Variants in ABHD5 observed in about 807,000 individuals in gnomAD.
The protein encoded by ABHD5 is abhydrolase domain containing 5, lysophosphatidic acid acyltransferase.
ABHD5 carries 30 observed loss-of-function variants against 44.9 expected under a neutral mutation model. The observed-to-expected ratio is 0.67, with a 90% CI of 0.50 to 0.91. The LOEUF (loss-of-function observed/expected upper bound fraction) is 0.91, where lower values mean the gene tolerates loss of function less well. Ranked by LOEUF, ABHD5 falls within the 40% of genes least tolerant of loss-of-function variation. ABHD5 has a pLI of 0.00. For synonymous variants in ABHD5, 167 were observed against 147.0 expected, an observed-to-expected ratio of 1.14 and a Z score of -0.99; for missense variants, 399 against 423.4, an observed-to-expected ratio of 0.94 and a Z score of 0.50.
At chr3:43,707,941 CT>C (rs1429560771) in intron 3 of ABHD5, among the ~76,000 whole-genome samples, 1 of 152,110 alleles carries the variant, frequency 6.6e-6, no homozygotes, top group Non-Finnish European at 1.5e-5. Flanking sequence ...GATTATTGTT[CT>C]TGTTGCATTA....
At chr3:43,723,379 C>G (rs2149610055), downstream of ABHD5, among the ~76,000 whole-genome samples, 1 of 152,258 alleles carries the variant, frequency 6.6e-6, no homozygotes, top group South Asian at 2.1e-4. Context: ...TAGGAAATCG[C>G]CATTTTGCCA....
At chr3:43,704,842 C>T (rs1415540357) in intron 3 of ABHD5, among the ~76,000 whole-genome samples, 1 of 152,108 alleles carries the variant, frequency 6.6e-6, no homozygotes, top group Non-Finnish European at 1.5e-5. Context: ...TGTCTCAGGA[C>T]CAAGAATCAT....
At position 43,720,594 on chromosome 3, in the gene ABHD5, G is replaced by A. The variant is rs1485890586; in HGVS notation, c.*2062G>A. On this transcript the variant is annotated 3_prime_UTR_variant, in exon 7 of 7. Transcript: ENST00000644371. ...CAATCCTCACATTTAAAAAAATATA[G>A]TGGGTGCTAAATGTTTTCTTAAAAA... The A allele has an allele frequency of 6.6e-6, 1 of 152,174 alleles. No homozygotes were observed. Among genetic ancestry groups the A allele is most frequent in the Non-Finnish European group, 1.5e-5 (1 of 68,024 alleles). The allele number at this position is 152,174 out of a possible 1,614,324, so 9.4% of individuals were successfully genotyped here.
At position 43,708,444 on chromosome 3, in the gene ABHD5, G is replaced by A. The variant is rs537449226; in HGVS notation, c.507-3265G>A. Among the ~76,000 whole-genome samples the A allele has an allele frequency of 4.6e-5, 7 of 152,322 alleles. No individual in the cohort carries two copies. In the South Asian group the frequency reaches 1.4e-3, roughly 32 times the overall value. On this transcript the variant is annotated intron_variant, in intron 3 of 6. Coordinates refer to ENST00000644371, the MANE Select transcript of ABHD5 (RefSeq NM_016006.6). ...ATATTTTTACTAAAAGCGGAGGTTA[G>A]AAGATAGCCTGGGACCTTGGTCTGG... is the stretch of plus-strand genomic sequence containing the variant.
chr3:43,691,514 T>C (rs2084384387), intron 1 of ABHD5: 1 of 152,656 alleles, frequency 6.6e-6, no homozygotes, highest in Admixed American at 6.5e-5. Flanking sequence ...CTACAGGTAC[T>C]ACCTGTGCTC....
At chr3:43,704,634 A>G (rs1364977318) in intron 3 of ABHD5, among the ~76,000 whole-genome samples, 1 of 152,224 alleles carries the variant, frequency 6.6e-6, no homozygotes, top group Non-Finnish European at 1.5e-5. Context: ...CAAGAGTTTC[A>G]TTTGCAATTG....
At position 43,734,041 on chromosome 3, in the gene ABHD5, C is replaced by T. The variant is rs1222727863; in HGVS notation, c.*191C>T. 3.9e-5 allele frequency: 6 copies of T among 152,318 alleles called. No individual in the cohort carries two copies. In the South Asian group the frequency reaches 1.2e-3, roughly 32 times the overall value. The allele number at this position is 152,318 out of a possible 1,614,324, so 9.4% of individuals were successfully genotyped here. A position where few individuals can be genotyped will look rare whatever the true frequency, so the allele number is the denominator to read the frequency against. Reference sequence around the variant, plus strand: ...ATGAATAGTAATTCAAGGATCTCTCCCTCTGCAGTGTGCTTTCTGGTGACC... The same window carrying T: ...ATGAATAGTAATTCAAGGATCTCTCTCTCTGCAGTGTGCTTTCTGGTGACC... On this transcript the variant is annotated 3_prime_UTR_variant, in exon 8 of 8. Coordinates refer to the ABHD5 transcript ENST00000454293.
At chr3:43,690,924 GC>G, upstream of ABHD5, 1 of 1,505,850 alleles carries the variant, frequency 6.6e-7, no homozygotes, top group Non-Finnish European at 8.8e-7. Context: ...TGCCGCGCCA[GC>G]CCGGGGCGGC....
Position 43,721,443 on chromosome 3 carries a change from T to G in ABHD5, c.*2911T>G, listed in dbSNP as rs2084834687. Reference sequence around the variant, plus strand: ...AAAAGAGAAGTCTATAGAAGAATTTTCAGCCAGATGGAATGGCTCATGGCT... The same window carrying G: ...AAAAGAGAAGTCTATAGAAGAATTTGCAGCCAGATGGAATGGCTCATGGCT... On this transcript the variant is annotated 3_prime_UTR_variant, in exon 7 of 7. Coordinates refer to ENST00000644371, the MANE Select transcript of ABHD5 (RefSeq NM_016006.6). 6.6e-6 allele frequency: 1 copy of G among 151,912 alleles called. No individual in the cohort carries two copies. The highest frequency in any genetic ancestry group is 1.5e-5 in the Non-Finnish European group (1 of 68,004). The allele number at this position is 151,912 out of a possible 1,614,324, so 9.4% of individuals were successfully genotyped here.
intron 5 of ABHD5, among the ~76,000 whole-genome samples, chr3:43,716,795 G>C (rs77061326): frequency 8.5e-5 from 13 of 152,248 alleles, no homozygotes; most frequent in African/African-American, 3.1e-4. Context: ...ACATGTGTTC[G>C]TGTAGTCCTA....
At chr3:43,690,924 G>T, upstream of ABHD5, 1 of 1,505,850 alleles carries the variant, frequency 6.6e-7, no homozygotes, top group Non-Finnish European at 8.8e-7. Context: ...TGCCGCGCCA[G>T]CCCGGGGCGG....
intron 1 of ABHD5, chr3:43,691,351 C>G (rs1166992320): frequency 8.8e-6 from 2 of 228,506 alleles, no homozygotes; most frequent in East Asian, 8.9e-5. Flanking sequence ...GGGCCGGCGA[C>G]GGAGCTGGCC....
At chr3:43,705,346 A>G (rs1284709887) in intron 3 of ABHD5, among the ~76,000 whole-genome samples, 3 of 152,202 alleles carry the variant, frequency 2.0e-5, no homozygotes, top group Non-Finnish European at 4.4e-5. Context: ...CAGTTAGTCT[A>G]CATCTTGAGT....
chr3:43,702,001 T>C, intron 2 of ABHD5: 1 of 501,744 alleles, frequency 2.0e-6, no homozygotes, highest in Middle Eastern at 5.3e-4. Context: ...ACTTGAGGTT[T>C]GTCTGAGGTA....
chr3:43,732,382 A>G (rs1224345204), intron 7 of ABHD5, among the ~76,000 whole-genome samples: 1 of 152,122 alleles, frequency 6.6e-6, no homozygotes, highest in Non-Finnish European at 1.5e-5. Flanking sequence ...GTGAAACGAG[A>G]TTGCACCACT....
intron 3 of ABHD5, among the ~76,000 whole-genome samples, chr3:43,704,611 TA>T (rs1342802892): frequency 6.6e-6 from 1 of 152,228 alleles, no homozygotes; most frequent in African/African-American, 2.4e-5. Flanking sequence ...TCTCTACTGA[TA>T]AGGTCAGTTG....
At chr3:43,709,818 G>A (rs148303946) in intron 3 of ABHD5, among the ~76,000 whole-genome samples, 1 of 152,270 alleles carries the variant, frequency 6.6e-6, no homozygotes, top group African/African-American at 2.4e-5. Flanking sequence ...GCCAAGGTGG[G>A]CAGATCACGA....
chr3:43,716,214 G>A (rs557094233), intron 5 of ABHD5, among the ~76,000 whole-genome samples: 1 of 152,180 alleles, frequency 6.6e-6, no homozygotes, highest in Non-Finnish European at 1.5e-5. Flanking sequence ...GTGCAAAGAT[G>A]AGAGCTGCAG....
At chr3:43,697,246 C>A (rs2084484606) in intron 1 of ABHD5, among the ~76,000 whole-genome samples, 1 of 152,016 alleles carries the variant, frequency 6.6e-6, no homozygotes, top group Non-Finnish European at 1.5e-5. Context: ...AAAAAGTATC[C>A]TTTTTTAATG....
Sources: gnomAD v4.1 joint callset for allele counts (sites outside exome capture counted in the v4.1 genomes callset) on GRCh38, gnomAD v4.1.1 for gene constraint, MANE v1.5 for transcripts, NCBI Gene and HGNC (gene_info 2026-07-23, HGNC 2026-07-21) for gene names.